Variants in ARPC2 observed in about 807,000 individuals in gnomAD.
ARPC2 encodes actin related protein 2/3 complex subunit 2.
Under a neutral mutation model 38.6 loss-of-function variants are expected in ARPC2, and 4 were observed. The observed-to-expected ratio is 0.10, with a 90% CI of 0.05 to 0.24. The LOEUF is 0.24. Ranked by LOEUF, ARPC2 falls within the 10% of genes least tolerant of loss-of-function variation. The pLI, the probability that ARPC2 is intolerant of heterozygous loss-of-function variation, is 1.00. For synonymous variants in ARPC2, 125 were observed against 140.8 expected, an observed-to-expected ratio of 0.89 and a Z score of 0.79; for missense variants, 229 against 387.3, an observed-to-expected ratio of 0.59 and a Z score of 3.43.
intron 7 of ARPC2, among the ~76,000 whole-genome samples, chr2:218,241,724 G>A (rs1689921282): frequency 6.6e-6 from 1 of 152,158 alleles, no homozygotes; most frequent in Non-Finnish European, 1.5e-5. Context: ...CCTCCTTCAG[G>A]GTACCTGTGG....
chr2:218,234,726 A>G (rs1454337156), intron 5 of ARPC2: 3 of 470,604 alleles, frequency 6.4e-6, no homozygotes, highest in Non-Finnish European at 1.2e-5. Flanking sequence ...ATGAGCAAAC[A>G]TTGATTCCCA....
At chr2:218,246,161 G>A (rs1347185656) in intron 8 of ARPC2, among the ~76,000 whole-genome samples, 2 of 151,376 alleles carry the variant, frequency 1.3e-5, no homozygotes, top group African/African-American at 2.4e-5. Context: ...AGGTTGTAAT[G>A]AGCTGAGATC....
intron 6 of ARPC2, 85 bp from the exon 7 acceptor site, chr2:218,239,306 G>A (rs1392619688): frequency 1.1e-6 from 1 of 924,672 alleles, no homozygotes; most frequent in East Asian, 2.4e-5. Flanking sequence ...TATGACTTTA[G>A]CCTTCTGATG....
chr2:218,225,978 C>T (rs755894048), intron 3 of ARPC2, 24 bp downstream of exon 3: 7 of 1,612,022 alleles, frequency 4.3e-6, no homozygotes, highest in Non-Finnish European at 5.9e-6. Flanking sequence ...TCTCAGCCCT[C>T]TGAAGAGAAG....
intron 10 of ARPC2, among the ~76,000 whole-genome samples, chr2:218,251,536 C>T (rs2106161503): frequency 6.6e-6 from 1 of 152,184 alleles, no homozygotes; most frequent in South Asian, 2.1e-4. Context: ...CCCAGCCAGG[C>T]TCAACCTCCT....
chr2:218,229,011 A>G (rs1166417957), intron 4 of ARPC2, 161 bp downstream of exon 4: 1 of 513,974 alleles, frequency 1.9e-6, no homozygotes, highest in Non-Finnish European at 3.5e-6. Flanking sequence ...TGTGTTTCCT[A>G]GAAAAGGTTT....
chr2:218,252,061 TA>T (rs1690205196), intron 10 of ARPC2, among the ~76,000 whole-genome samples: 1 of 152,036 alleles, frequency 6.6e-6, no homozygotes, highest in Non-Finnish European at 1.5e-5. Context: ...CCATCTCTAC[TA>T]AAAATACAGA....
intron 6 of ARPC2, chr2:218,239,051 T>C: frequency 1.7e-6 from 1 of 571,740 alleles, no homozygotes. Flanking sequence ...AGCTGACAGA[T>C]GGTGGAAAGA....
intron 3 of ARPC2, chr2:218,226,932 A>G (rs1393950164): frequency 2.2e-5 from 10 of 452,882 alleles, no homozygotes; most frequent in Non-Finnish European, 4.0e-5. Flanking sequence ...ATCAAGTCAG[A>G]GAGAGATGTT....
intron 7 of ARPC2, among the ~76,000 whole-genome samples, chr2:218,244,007 C>T (rs997315771): frequency 3.3e-5 from 5 of 152,056 alleles, no homozygotes; most frequent in South Asian, 4.1e-4. Flanking sequence ...TCCTTAATAC[C>T]GAAAAGTAAA....
chr2:218,243,914 C>T (rs1180082771), intron 7 of ARPC2, among the ~76,000 whole-genome samples: 3 of 152,168 alleles, frequency 2.0e-5, no homozygotes, highest in African/African-American at 4.8e-5. Context: ...TTGTGAATAC[C>T]ACATGTACCT....
At chr2:218,242,972 A>G (rs1371996474) in intron 7 of ARPC2, among the ~76,000 whole-genome samples, 1 of 152,188 alleles carries the variant, frequency 6.6e-6, no homozygotes, top group Middle Eastern at 3.2e-3. Context: ...TAATCAAATT[A>G]ATCAGTCTTG....
intron 9 of ARPC2, 154 bp downstream of exon 9, chr2:218,249,618 C>T (rs1690131923): frequency 5.3e-6 from 4 of 753,858 alleles, no homozygotes; most frequent in Non-Finnish European, 8.5e-6. Context: ...CTTTCTTCAT[C>T]AAGCCACTGT....
intron 8 of ARPC2, among the ~76,000 whole-genome samples, chr2:218,246,164 C>G (rs553684644): frequency 6.6e-6 from 1 of 151,148 alleles, no homozygotes; most frequent in Admixed American, 6.6e-5. Context: ...TTGTAATGAG[C>G]TGAGATCGTG....
intron 5 of ARPC2, among the ~76,000 whole-genome samples, chr2:218,237,777 G>A (rs1689809369): frequency 1.3e-5 from 2 of 149,644 alleles, no homozygotes; most frequent in African/African-American, 4.9e-5. Context: ...ATGTTGGCCA[G>A]ACTGCTCTCA....
intron 8 of ARPC2, among the ~76,000 whole-genome samples, chr2:218,247,794 T>G (rs2106159094): frequency 6.6e-6 from 1 of 152,048 alleles, no homozygotes; most frequent in Non-Finnish European, 1.5e-5. Context: ...ATACAAAAAC[T>G]TAGCTGGGCG....
At chr2:218,232,500 G>A (rs1044853892) in intron 4 of ARPC2, among the ~76,000 whole-genome samples, 4 of 150,984 alleles carry the variant, frequency 2.6e-5, no homozygotes, top group African/African-American at 4.9e-5. Context: ...GCCCTTTCCC[G>A]TCATCCTGTA....
chr2:218,218,372 A>G (rs1219372328), intron 2 of ARPC2, among the ~76,000 whole-genome samples: 1 of 152,214 alleles, frequency 6.6e-6, no homozygotes, highest in African/African-American at 2.4e-5. Flanking sequence ...ACCTGTCTTT[A>G]CGATTGGACT....
At chr2:218,237,391 G>A (rs1005612538) in intron 5 of ARPC2, among the ~76,000 whole-genome samples, 1 of 151,908 alleles carries the variant, frequency 6.6e-6, no homozygotes, top group Non-Finnish European at 1.5e-5. Context: ...TAGAGACGGG[G>A]TTTTGCCATA....
Sources: gnomAD v4.1 joint callset for allele counts (sites outside exome capture counted in the v4.1 genomes callset) on GRCh38, gnomAD v4.1.1 for gene constraint, MANE v1.5 for transcripts, NCBI Gene and HGNC (gene_info 2026-07-23, HGNC 2026-07-21) for gene names.